Variants in INSR observed in about 807,000 individuals in gnomAD.
The protein encoded by INSR is insulin receptor.
INSR carries 67 observed loss-of-function variants against 142.6 expected under a neutral mutation model. The ratio of observed to expected loss-of-function variants is 0.47; its 90% CI spans 0.39 to 0.58. The LOEUF is 0.58. Ranked by LOEUF, INSR falls within the 20% of genes least tolerant of loss-of-function variation. The pLI, the probability that INSR is intolerant of heterozygous loss-of-function variation, is 0.00. For missense variants in INSR, 1,248 were observed against 1,833.2 expected (o/e 0.68, Z 5.83); for synonymous variants, 756 against 743.1 (o/e 1.02, Z -0.28).
chr19:7,277,585 T>G (rs1258218159), intron 1 of INSR, among the ~76,000 whole-genome samples: 1 of 151,574 alleles, frequency 6.6e-6, no homozygotes, highest in Non-Finnish European at 1.5e-5. Flanking sequence ...ACTGCTTGAG[T>G]CCGGGAGTTC....
chr19:7,243,094 AC>A (rs1226012955), intron 2 of INSR, among the ~76,000 whole-genome samples: 6 of 152,124 alleles, frequency 3.9e-5, no homozygotes, highest in African/African-American at 1.4e-4. Flanking sequence ...GACTAAAAAA[AC>A]ATTATTAGAT....
In INSR at chr19:7,204,962, T is replaced by A. The variant is rs371676362; in HGVS notation, c.653-20325A>T. ...AGCCGGGCATGGTGGCGGGTGCCTGTCATCCCAGCTGCTTGGGAGGCTGAG... is the reference window on the plus strand; with the variant it reads ...AGCCGGGCATGGTGGCGGGTGCCTGACATCCCAGCTGCTTGGGAGGCTGAG... On this transcript the variant is annotated intron_variant, in intron 2 of 21. Coordinates refer to ENST00000302850, the MANE Select transcript of INSR (RefSeq NM_000208.4). 7.7e-4 allele frequency among the ~76,000 whole-genome samples: 116 copies of A among 151,512 alleles called. 4 individuals are homozygous for A. In the South Asian group the frequency reaches 0.024, roughly 31 times the overall value.
chr19:7,248,876 C>T (rs984052407), intron 2 of INSR, among the ~76,000 whole-genome samples: 8 of 150,036 alleles, frequency 5.3e-5, no homozygotes, highest in Non-Finnish European at 8.8e-5. Context: ...TCTCCTGCCT[C>T]AGCCTCCCAC....
chr19:7,186,415 C>G (rs1183567751), intron 2 of INSR, among the ~76,000 whole-genome samples: 4 of 152,070 alleles, frequency 2.6e-5, no homozygotes, highest in African/African-American at 4.8e-5. Flanking sequence ...AACATAGTAG[C>G]CACTTCTCCC....
chr19:7,176,863 G>A (rs983126716), intron 3 of INSR, among the ~76,000 whole-genome samples: 8 of 152,120 alleles, frequency 5.3e-5, no homozygotes, highest in African/African-American at 1.4e-4. Flanking sequence ...AGAATGTGCC[G>A]TTACCTTGAG....
chr19:7,215,693 G>A (rs140977742), intron 2 of INSR, among the ~76,000 whole-genome samples: 1,634 of 151,826 alleles, frequency 0.011, 11 homozygotes, highest in Middle Eastern at 0.041. Context: ...TCAGTCTCCC[G>A]AGTAGCTTGA....
At position 7,292,092 on chromosome 19, in the gene INSR, C is replaced by T. The variant is rs868260213; in HGVS notation, c.100+1700G>A. ...ACAAGCGTGAGCCACCACGCCCCGC[C>T]TTTTTTTTTATTTTTTTGAGACAAA... On this transcript the variant is annotated intron_variant, in intron 1 of 21. Transcript: ENST00000302850. 2.5e-4 allele frequency among the ~76,000 whole-genome samples: 37 copies of T among 150,194 alleles called. 1 individual carries two copies. In the South Asian group the frequency reaches 4.6e-3, roughly 19 times the overall value.
At chr19:7,238,312 T>C (rs544906394) in intron 2 of INSR, among the ~76,000 whole-genome samples, 159 of 152,136 alleles carry the variant, frequency 1.0e-3, no homozygotes, top group African/African-American at 3.5e-3. Flanking sequence ...GGACTTTCCA[T>C]TGATGCAACA....
At chr19:7,282,722 C>G (rs546435879) in intron 1 of INSR, among the ~76,000 whole-genome samples, 2 of 151,440 alleles carry the variant, frequency 1.3e-5, no homozygotes, top group South Asian at 4.2e-4. Flanking sequence ...CGCAGTGGCT[C>G]ACGCCTGTAA....
intron 11 of INSR, among the ~76,000 whole-genome samples, chr19:7,147,350 T>G (rs1228676315): frequency 6.6e-6 from 1 of 152,040 alleles, no homozygotes; most frequent in Non-Finnish European, 1.5e-5. Flanking sequence ...AATTTTTGTA[T>G]TTTTAGTAGA....
chr19:7,251,334 A>G lies in INSR; in HGVS notation c.652+16011T>C, dbSNP rs183498874. Among the ~76,000 whole-genome samples, 158 of 152,108 alleles carry G rather than the reference A, an allele frequency of 1.0e-3. 3 individuals carry two copies. Among genetic ancestry groups the G allele is most frequent in the African/African-American group, 3.7e-3 (154 of 41,440 alleles). On this transcript the variant is annotated intron_variant, in intron 2 of 21. Transcript: ENST00000302850. ...GTGCAATATGCAATCTCGGCTCATT[A>G]CAGCCTCAACCTTCTGTGCTCAAGC...
intron 2 of INSR, among the ~76,000 whole-genome samples, chr19:7,214,338 TA>T (rs1475981182): frequency 6.6e-6 from 1 of 152,088 alleles, no homozygotes; most frequent in Admixed American, 6.6e-5. Flanking sequence ...GCTGAACAAA[TA>T]AACCCATGAT....
chr19:7,163,940 A>T (rs1049762675), intron 8 of INSR, among the ~76,000 whole-genome samples: 1 of 145,406 alleles, frequency 6.9e-6, no homozygotes, highest in African/African-American at 2.6e-5. Flanking sequence ...AAAAAAAAAA[A>T]AAAAAAAAAT....
intron 2 of INSR, among the ~76,000 whole-genome samples, chr19:7,242,753 A>AAAAC (rs1206598556): frequency 6.6e-6 from 1 of 151,394 alleles, no homozygotes; most frequent in African/African-American, 2.4e-5. Flanking sequence ...AAAAAAAAAA[A>AAAAC]ACAGCTACAA....
At chr19:7,243,098 T>C (rs1976410164) in intron 2 of INSR, among the ~76,000 whole-genome samples, 1 of 151,986 alleles carries the variant, frequency 6.6e-6, no homozygotes, top group East Asian at 1.9e-4. Context: ...AAAAAAACAT[T>C]ATTAGATTTC....
intron 2 of INSR, among the ~76,000 whole-genome samples, 155 bp from the exon 3 acceptor site, chr19:7,184,792 C>G (rs915664870): frequency 6.9e-6 from 1 of 145,372 alleles, no homozygotes; most frequent in East Asian, 2.0e-4. Flanking sequence ...AAAAGCGGCA[C>G]GTCTACATCA....
rs573706885 is a variant in INSR at position 7,238,155 on chromosome 19, A to G, written c.652+29190T>C. 3.3e-5 allele frequency among the ~76,000 whole-genome samples: 5 copies of G among 152,316 alleles called. No homozygotes were observed. The South Asian group carries it at 8.3e-4, about 25-fold the overall frequency. ...GAATGTAGAATCATAAAGTAAATCC[A>G]TAACTGTTTCCCTCCCACACTAAGG... On this transcript the variant is annotated intron_variant, in intron 2 of 21. Transcript: ENST00000302850.
chr19:7,196,573 C>G (rs1390720572), intron 2 of INSR, among the ~76,000 whole-genome samples: 2 of 151,984 alleles, frequency 1.3e-5, no homozygotes, highest in African/African-American at 2.4e-5. Context: ...TTTTGTTTGC[C>G]TCCCTTTTAA....
chr19:7,184,645 G>GAA lies in INSR; in HGVS notation c.653-9_653-8insTT. 6.8e-7 allele frequency: 1 copy of GAA among 1,466,804 alleles called. No homozygotes were observed. The allele number at this position is 1,466,804 out of a possible 1,614,324, so 90.9% of individuals were successfully genotyped here. A position where few individuals can be genotyped will look rare whatever the true frequency, so the allele number is the denominator to read the frequency against. On this transcript the variant is annotated splice_polypyrimidine_tract_variant and intron_variant, in intron 2 of 21. Transcript: ENST00000302850. ...TACAGATGGTCGGGCAAACTGGAGAGAGAGAGAGAGAGAGAGGGAAATAAA... is the reference window on the plus strand; with the variant it reads ...TACAGATGGTCGGGCAAACTGGAGAGAAAGAGAGAGAGAGAGAGGGAAATAAA...
Sources: allele counts gnomAD v4.1 joint callset (sites outside exome capture counted in the v4.1 genomes callset), GRCh38; gene constraint gnomAD v4.1.1; transcripts MANE v1.5; gene names NCBI Gene and HGNC (gene_info 2026-07-23, HGNC 2026-07-21).